Variants in SGCD observed in about 807,000 individuals in gnomAD.
SGCD encodes sarcoglycan delta, also known as delta-sarcoglycan.
In SGCD, 18 loss-of-function variants were observed where a neutral mutation model predicts 36.6. The ratio of observed to expected loss-of-function variants is 0.49; its 90% CI spans 0.34 to 0.73. SGCD has a LOEUF of 0.73. Among genes scored for constraint, SGCD ranks in the 30% least tolerant of loss-of-function variants. SGCD has a pLI of 0.01. For synonymous variants in SGCD, 133 were observed against 130.6 expected (o/e 1.02, Z -0.12); for missense variants, 387 against 346.7 (o/e 1.12, Z -0.92).
rs142080003 is a variant in SGCD at position 156,370,626 on chromosome 5, G to A, written c.192+25949G>A. 3.9e-5 allele frequency among the ~76,000 whole-genome samples: 6 copies of A among 152,214 alleles called. No homozygotes were observed. In the South Asian group the frequency reaches 6.2e-4, roughly 16 times the overall value. On this transcript the variant is annotated intron_variant, in intron 3 of 8. Transcript: ENST00000337851. ...GTCTGAAAATACATTTCTAGTAAAC[G>A]TTGACATAAGAACCCTTTTGTCACC...
At chr5:155,854,663 T>C in the SGCD span, among the ~76,000 whole-genome samples, 3 of 152,188 alleles carry the variant, frequency 2.0e-5, no homozygotes, top group Non-Finnish European at 4.4e-5. Flanking sequence ...AATATTTGAA[T>C]TGAGACCCAG....
intron 1 of SGCD, among the ~76,000 whole-genome samples, chr5:155,949,882 A>G (rs1176321058): frequency 2.6e-5 from 4 of 152,134 alleles, no homozygotes; most frequent in African/African-American, 9.7e-5. Context: ...ACCTCCTATC[A>G]TGTTACAGCC....
intron 1 of SGCD, among the ~76,000 whole-genome samples, chr5:156,062,252 G>T (rs1344045832): frequency 3.7e-5 from 2 of 53,340 alleles, no homozygotes; most frequent in African/African-American, 1.7e-4. Flanking sequence ...TCCCTACAAA[G>T]GATATGAACT....
At chr5:156,621,384 G>C (rs1336979817) in intron 6 of SGCD, among the ~76,000 whole-genome samples, 1 of 152,060 alleles carries the variant, frequency 6.6e-6, no homozygotes, top group Non-Finnish European at 1.5e-5. Flanking sequence ...GTAGAGACGG[G>C]GTTTCACCGT....
intron 7 of SGCD, chr5:156,704,101 T>C (rs1754643064): frequency 6.6e-6 from 1 of 152,142 alleles, no homozygotes; most frequent in South Asian, 2.1e-4. Context: ...TATTTTGATA[T>C]TGAATGTCCA....
chr5:156,595,086 C>A (rs1581225194), intron 6 of SGCD, 35 bp downstream of exon 6: 1 of 1,585,154 alleles, frequency 6.3e-7, no homozygotes, highest in East Asian at 2.3e-5. Flanking sequence ...TTGTTTGATG[C>A]TACTGTGTAC....
At position 156,576,185 on chromosome 5, in the gene SGCD, T is replaced by C. The variant is rs184368050; in HGVS notation, c.295-13046T>C. ...TGAGAACATGCGGTGTTTGGTTTTC[T>C]GTCCTTCTGATAGTTTGCTCAGAAT... is the stretch of plus-strand genomic sequence containing the variant. On this transcript the variant is annotated intron_variant, in intron 4 of 8. Coordinates refer to ENST00000337851, the MANE Select transcript of SGCD (RefSeq NM_000337.6). Among the ~76,000 whole-genome samples, 156 of 152,238 alleles carry C rather than the reference T, an allele frequency of 1.0e-3. 1 individual carries two copies. Among genetic ancestry groups the C allele is most frequent in the Non-Finnish European group, 1.6e-3 (106 of 68,012 alleles).
intron 3 of SGCD, among the ~76,000 whole-genome samples, chr5:156,444,764 A>G (rs1209561155): frequency 6.6e-6 from 1 of 152,144 alleles, no homozygotes; most frequent in African/African-American, 2.4e-5. Flanking sequence ...ATGAAAATGT[A>G]TCTATCTATC....
At chr5:156,264,716 A>C (rs1277963703) in intron 3 of SGCD, among the ~76,000 whole-genome samples, 1 of 152,176 alleles carries the variant, frequency 6.6e-6, no homozygotes, top group East Asian at 1.9e-4. Flanking sequence ...GAGACAAAAA[A>C]GTTTGAAACC....
chr5:155,885,386 G>T lies in SGCD; in HGVS notation c.-282+14962G>T, dbSNP rs142482583. On this transcript the variant is annotated intron_variant, in intron 1 of 9. Transcript: ENST00000517913. ...CCCAGAGCAGTAGGGAGGGGAAGTT[G>T]GTGGGTAGAGAGAAACCACTTGAAA... 1.7e-5 allele frequency among the ~76,000 whole-genome samples: 2 copies of T among 116,318 alleles called. 1 individual carries two copies. Among genetic ancestry groups the T allele is most frequent in the East Asian group, 4.4e-4 (2 of 4,596 alleles). The allele number at this position is 116,318 out of a possible 152,430, so 76.3% of individuals were successfully genotyped here.
At chr5:155,843,784 A>G in the SGCD span, among the ~76,000 whole-genome samples, 1 of 152,204 alleles carries the variant, frequency 6.6e-6, no homozygotes, top group East Asian at 1.9e-4. Context: ...ATGAAGCCTC[A>G]AGGCTGGGCC....
intron 4 of SGCD, among the ~76,000 whole-genome samples, chr5:156,579,537 G>A (rs1760150212): frequency 6.6e-6 from 1 of 151,970 alleles, no homozygotes; most frequent in South Asian, 2.1e-4. Context: ...TTATTATTGT[G>A]TGGGAGTCTA....
chr5:155,950,619 G>T (rs1256853135), intron 1 of SGCD, among the ~76,000 whole-genome samples: 2 of 152,126 alleles, frequency 1.3e-5, no homozygotes, highest in Non-Finnish European at 2.9e-5. Flanking sequence ...GAGAATTGTT[G>T]CTAGGAAGGA....
chr5:156,651,119 A>G (rs1490739749), intron 7 of SGCD, among the ~76,000 whole-genome samples: 1 of 151,602 alleles, frequency 6.6e-6, no homozygotes, highest in Non-Finnish European at 1.5e-5. Context: ...GTGTCCTTTT[A>G]TTTCTTTTGC....
In SGCD at chr5:156,762,920, G is replaced by A. The variant is rs1454008798; in HGVS notation, c.*3530G>A. On this transcript the variant is annotated 3_prime_UTR_variant, in exon 9 of 9. Coordinates refer to ENST00000337851, the MANE Select transcript of SGCD (RefSeq NM_000337.6). ...ATTTCTGTGTAGGTTTGGGAATATA[G>A]TTACTTGGCAAAGTCTTTCAGGAAG... The A allele has an allele frequency of 6.6e-6, 1 of 152,214 alleles. No homozygotes were observed. Among genetic ancestry groups the A allele is most frequent in the Non-Finnish European group, 1.5e-5 (1 of 68,034 alleles). 9.4% of individuals were successfully genotyped at this position (152,214 alleles called of 1,614,324 possible).
intron 1 of SGCD, among the ~76,000 whole-genome samples, chr5:155,909,121 T>C (rs1676755575): frequency 6.6e-6 from 1 of 152,064 alleles, no homozygotes; most frequent in Non-Finnish European, 1.5e-5. Flanking sequence ...CTGTCTGCAA[T>C]TGTCTGCAAT....
intron 3 of SGCD, among the ~76,000 whole-genome samples, chr5:156,138,619 C>T (rs1762511563): frequency 6.6e-6 from 1 of 152,134 alleles, no homozygotes; most frequent in Non-Finnish European, 1.5e-5. Flanking sequence ...TGGCTGTTTC[C>T]CATTTGGGAA....
chr5:155,893,942 A>G (rs1580976234), intron 1 of SGCD, among the ~76,000 whole-genome samples: 1 of 152,352 alleles, frequency 6.6e-6, no homozygotes, highest in Non-Finnish European at 1.5e-5. Context: ...TTGTAACACA[A>G]TGGTATTTGT....
chr5:156,504,113 A>G lies in SGCD; in HGVS notation c.193-4488A>G, dbSNP rs141222290. Among the ~76,000 whole-genome samples, 149 of 151,994 alleles carry G rather than the reference A, an allele frequency of 9.8e-4. 1 individual carries two copies. The East Asian group carries it at 0.027, about 27-fold the overall frequency. Reference sequence around the variant, plus strand: ...CAGCTACTCAGGAGGCTGAGGTAGGAGAATCACTTGAACCTGGAAGGCGGA... The same window carrying G: ...CAGCTACTCAGGAGGCTGAGGTAGGGGAATCACTTGAACCTGGAAGGCGGA... On this transcript the variant is annotated intron_variant, in intron 3 of 8. Transcript: ENST00000337851.
Sources: gnomAD v4.1 joint callset for allele counts (sites outside exome capture counted in the v4.1 genomes callset) on GRCh38, gnomAD v4.1.1 for gene constraint, MANE v1.5 for transcripts, NCBI Gene and HGNC (gene_info 2026-07-23, HGNC 2026-07-21) for gene names.